Variants in ACOXL observed in about 807,000 individuals in gnomAD.
ACOXL encodes acyl-CoA oxidase like.
ACOXL carries 70 observed loss-of-function variants against 71.9 expected under a neutral mutation model. The observed-to-expected ratio is 0.97, with a 90% confidence interval of 0.80 to 1.19. The LOEUF (loss-of-function observed/expected upper bound fraction) is 1.19, where lower values mean the gene tolerates loss of function less well. ACOXL is among the 50% of genes most tolerant of loss of function. ACOXL has a pLI of 0.00. For synonymous variants in ACOXL, 253 were observed against 281.6 expected (o/e 0.90, Z 1.02); for missense variants, 703 against 736.3 (o/e 0.95, Z 0.52).
intron 10 of ACOXL, among the ~76,000 whole-genome samples, chr2:110,873,128 G>T (rs1008591775): frequency 3.3e-5 from 5 of 152,208 alleles, no homozygotes; most frequent in Non-Finnish European, 7.3e-5. Context: ...TCCCTGAAGA[G>T]GGTGACAAAA....
At position 111,117,661 on chromosome 2, in the gene ACOXL, A is replaced by C; in HGVS notation, c.1588A>C (p.Ile530Leu). 1 of 1,551,724 alleles carries C rather than the reference A, an allele frequency of 6.4e-7. No homozygotes were observed. ...GGTGAAGGATGATGCCCGGAGGGTG[A>C]TCTCGACCTTTAACATTCCACACAC... ...DSVKDDARRV[I>L]STFNIPHTYL... Residue 530 changes from isoleucine (I) to leucine (L), a missense_variant, in exon 18 of 18, where the codon ATC becomes CTC. By Grantham distance (5) the Ile-to-Leu change is conservative. Coordinates refer to ENST00000439055, the MANE Select transcript of ACOXL (RefSeq NM_001142807.4).
At chr2:110,834,773 T>G (rs1001906735) in intron 9 of ACOXL, among the ~76,000 whole-genome samples, 1 of 152,216 alleles carries the variant, frequency 6.6e-6, no homozygotes, top group Admixed American at 6.5e-5. Flanking sequence ...AGTCCCCAGC[T>G]TATGGGACTC....
At chr2:110,813,425 G>T (rs1189313394) in intron 9 of ACOXL, among the ~76,000 whole-genome samples, 2 of 152,122 alleles carry the variant, frequency 1.3e-5, no homozygotes, top group Non-Finnish European at 2.9e-5. Context: ...CTTGGGAGAG[G>T]CTTGCCTTCC....
chr2:110,986,691 G>T (rs551871864), intron 12 of ACOXL, among the ~76,000 whole-genome samples: 6 of 152,294 alleles, frequency 3.9e-5, no homozygotes, highest in African/African-American at 1.4e-4. Flanking sequence ...AGAGGATAGA[G>T]ATTGTTTTAT....
chr2:110,751,298 CAAA>C (rs765632647), intron 1 of ACOXL, among the ~76,000 whole-genome samples: 6 of 44,010 alleles, frequency 1.4e-4, no homozygotes, highest in African/African-American at 2.2e-4. Flanking sequence ...GACTCCGTCT[CAAA>C]AAAAAAAAAA....
intron 13 of ACOXL, 93 bp from the exon 14 acceptor site, chr2:110,995,800 A>G (rs938842170): frequency 2.2e-6 from 2 of 899,638 alleles, no homozygotes; most frequent in Non-Finnish European, 3.6e-6. Flanking sequence ...ACAGAAAAAA[A>G]TAGTTTTAAA....
intron 12 of ACOXL, among the ~76,000 whole-genome samples, chr2:110,950,803 G>A (rs3789118): frequency 2.0e-5 from 3 of 148,608 alleles, no homozygotes; most frequent in African/African-American, 7.5e-5. Context: ...GAGGAAGGGT[G>A]GGGGGTGGAG....
Position 111,117,668 on chromosome 2 carries a change from C to G in ACOXL, c.1595C>G (p.Thr532Ser). The G allele has an allele frequency of 6.4e-7, 1 of 1,551,776 alleles. No homozygotes were observed. Residue 532 changes from threonine to serine, a missense_variant, in exon 18 of 18, where the codon ACC becomes AGC. Physicochemically the swap from Thr to Ser is moderately conservative, Grantham distance 58 (BLOSUM62 1). Coordinates refer to ENST00000439055, the MANE Select transcript of ACOXL (RefSeq NM_001142807.4). ...VKDDARRVISTFNIPHTYLHA... is the reference protein window; with the variant it reads ...VKDDARRVISSFNIPHTYLHA... ...GATGATGCCCGGAGGGTGATCTCGA[C>G]CTTTAACATTCCACACACCTACCTC...
chr2:110,762,816 C>T (rs1680574696), intron 1 of ACOXL, among the ~76,000 whole-genome samples: 1 of 151,988 alleles, frequency 6.6e-6, no homozygotes, highest in Non-Finnish European at 1.5e-5. Context: ...CAACCACATC[C>T]AGGTAATTTT....
At chr2:110,890,630 G>A (rs1410247758) in intron 10 of ACOXL, among the ~76,000 whole-genome samples, 1 of 152,120 alleles carries the variant, frequency 6.6e-6, no homozygotes, top group Non-Finnish European at 1.5e-5. Context: ...TAAATATAAG[G>A]ATATATTTCT....
At chr2:111,079,963 G>A (rs1257318337) in intron 16 of ACOXL, among the ~76,000 whole-genome samples, 5 of 151,804 alleles carry the variant, frequency 3.3e-5, no homozygotes, top group Admixed American at 3.3e-4. Flanking sequence ...GGGTGTATGT[G>A]TCCCAGAATT....
At chr2:110,914,689 T>C (rs2059773398) in intron 11 of ACOXL, among the ~76,000 whole-genome samples, 1 of 152,214 alleles carries the variant, frequency 6.6e-6, no homozygotes, top group South Asian at 2.1e-4. Flanking sequence ...CTTATTACAC[T>C]GGACAAAACC....
At chr2:110,744,851 A>AAGCT (rs1340131851) in intron 1 of ACOXL, among the ~76,000 whole-genome samples, 1 of 152,112 alleles carries the variant, frequency 6.6e-6, no homozygotes, top group Non-Finnish European at 1.5e-5. Flanking sequence ...TTTGAGTATG[A>AAGCT]AGCTAGCCCT....
At chr2:111,036,155 A>T (rs1558896072) in intron 15 of ACOXL, among the ~76,000 whole-genome samples, 1 of 152,210 alleles carries the variant, frequency 6.6e-6, no homozygotes, top group Non-Finnish European at 1.5e-5. Context: ...GGGTTTCTGC[A>T]GTGTTTTTCT....
intron 1 of ACOXL, among the ~76,000 whole-genome samples, chr2:110,761,249 T>G (rs1451464794): frequency 3.3e-5 from 5 of 152,206 alleles, no homozygotes; most frequent in Admixed American, 6.5e-5. Context: ...CTTTAATGTG[T>G]TGTTTTTTTC....
chr2:111,071,048 C>T (rs534254341), intron 16 of ACOXL, among the ~76,000 whole-genome samples: 1 of 152,288 alleles, frequency 6.6e-6, no homozygotes, highest in East Asian at 1.9e-4. Context: ...TCATTCTCAA[C>T]CCTCCTCTCC....
intron 13 of ACOXL, among the ~76,000 whole-genome samples, chr2:110,995,052 GTAT>G (rs1389289043): frequency 2.7e-5 from 4 of 145,774 alleles, no homozygotes; most frequent in African/African-American, 7.5e-5. Flanking sequence ...TATTTAATAA[GTAT>G]TATTAATTGA....
At chr2:111,111,877 A>G (rs141463194) in intron 17 of ACOXL, among the ~76,000 whole-genome samples, 1 of 152,354 alleles carries the variant, frequency 6.6e-6, no homozygotes, top group Non-Finnish European at 1.5e-5. Flanking sequence ...ATGGCTTGGA[A>G]GTGGCAATGT....
chr2:110,965,830 A>T (rs2061901663), intron 12 of ACOXL, among the ~76,000 whole-genome samples: 1 of 152,164 alleles, frequency 6.6e-6, no homozygotes, highest in South Asian at 2.1e-4. Context: ...AAACAGCAAT[A>T]AGGTCTCTGG....
Sources: allele counts gnomAD v4.1 joint callset (sites outside exome capture counted in the v4.1 genomes callset), GRCh38; gene constraint gnomAD v4.1.1; transcripts MANE v1.5; gene names NCBI Gene and HGNC (gene_info 2026-07-23, HGNC 2026-07-21).